Variants in STARD9 observed in about 807,000 individuals in gnomAD.
STARD9 encodes the protein stAR-related lipid transfer protein 9.
STARD9 carries 346 observed loss-of-function variants against 399.8 expected under a neutral mutation model. That is an observed-to-expected ratio of 0.87 (90% CI 0.79 to 0.95). The LOEUF (loss-of-function observed/expected upper bound fraction) is 0.95. STARD9 is among the 40% of genes least tolerant of loss of function. The pLI, the probability that STARD9 is intolerant of heterozygous loss-of-function variation, is 0.00. For missense variants in STARD9, 5,832 were observed against 5,667.5 expected (o/e 1.03, Z -0.93); for synonymous variants, 2,203 against 2,143.5 (o/e 1.03, Z -0.77).
intron 3 of STARD9, among the ~76,000 whole-genome samples, chr15:42,610,595 C>G (rs558053262): frequency 6.6e-6 from 1 of 152,336 alleles, no homozygotes; most frequent in Admixed American, 6.5e-5. Flanking sequence ...GTCGCCCAGG[C>G]TGGAGTGCAG....
chr15:42,688,366 G>T lies in STARD9; in HGVS notation c.6788G>T (p.Ser2263Ile), dbSNP rs200636004. 81 of 1,536,734 alleles carry T rather than the reference G, an allele frequency of 5.3e-5. 2 individuals carry two copies. The highest frequency in any genetic ancestry group is 1.1e-4 in the African/African-American group (8 of 73,054). The change falls in exon 23 of 33, where the codon AGT (serine) becomes ATT (isoleucine). Residue 2263 changes from serine to isoleucine, a missense_variant. Around this residue, in one of 2 missense-constraint regions of STARD9, gnomAD observed 5,828 missense variants for 5,651.1 expected, o/e 1.03. Transcript: ENST00000290607. ...AGCCAAGTAGCTGAACACGTAAGTA[G>T]TTCCAACCAAGAAGAGCCAAAAGCT... ...QESQVAEHVSSSNQEEPKAQG... is the reference protein window; with the variant it reads ...QESQVAEHVSISNQEEPKAQG...
chr15:42,663,510 T>G lies in STARD9; in HGVS notation c.1078+20T>G. 1 of 1,536,432 alleles carries G rather than the reference T, an allele frequency of 6.5e-7. No individual in the cohort carries two copies. The highest frequency in any genetic ancestry group is 1.2e-5 in the South Asian group (1 of 83,986). ...TTGCCAGTGAGTGGGATGCCAGAGC[T>G]GGACCTGTGTTGGGACTGGTACTCT... is the stretch of plus-strand genomic sequence containing the variant. On this transcript the variant is annotated intron_variant, in intron 12 of 32. Transcript: ENST00000290607.
In STARD9 at chr15:42,692,270, T is replaced by A; in HGVS notation, c.10692T>A (p.Ile3564=). Residue 3564 remains isoleucine (I), a synonymous_variant, in exon 23 of 33, where the codon ATT becomes ATA. Coordinates refer to ENST00000290607, the MANE Select transcript of STARD9 (RefSeq NM_020759.3). ...AAGTATTCCGAGGGAGTTCTTCAAT[T>A]GCCTTAGGAGACCCCCACATCCCGA... ...AWEVFRGSSS[I]ALGDPHIPTS... 6.5e-7 allele frequency: 1 copy of A among 1,537,006 alleles called. No individual in the cohort carries two copies. The highest frequency in any genetic ancestry group is 8.7e-7 in the Non-Finnish European group (1 of 1,146,886).
intron 3 of STARD9, among the ~76,000 whole-genome samples, chr15:42,593,588 G>A (rs2058442349): frequency 6.9e-6 from 1 of 145,878 alleles, no homozygotes; most frequent in Non-Finnish European, 1.5e-5. Context: ...GGAGATTTTT[G>A]TCTGAATTCA....
At chr15:42,658,862 C>T (rs540351475) in intron 9 of STARD9, among the ~76,000 whole-genome samples, 3 of 152,184 alleles carry the variant, frequency 2.0e-5, no homozygotes, top group African/African-American at 7.2e-5. Flanking sequence ...CCTGTAATCC[C>T]ACCACTTTGG....
chr15:42,635,977 C>T (rs575460902), intron 4 of STARD9, among the ~76,000 whole-genome samples: 1 of 152,250 alleles, frequency 6.6e-6, no homozygotes, highest in East Asian at 1.9e-4. Flanking sequence ...CTTAAGAATA[C>T]CTTTTTGTTT....
chr15:42,641,093 G>A (rs946104920), intron 7 of STARD9, among the ~76,000 whole-genome samples: 6 of 152,098 alleles, frequency 3.9e-5, no homozygotes, highest in African/African-American at 1.4e-4. Flanking sequence ...TATAGTACCT[G>A]CAACTCAGAA....
At chr15:42,700,694 G>A (rs1192775164) in intron 26 of STARD9, among the ~76,000 whole-genome samples, 1 of 152,090 alleles carries the variant, frequency 6.6e-6, no homozygotes, top group East Asian at 1.9e-4. Context: ...CATATGCATA[G>A]TTTGCAAATC....
chr15:42,709,222 G>A (rs1243559637), intron 26 of STARD9, among the ~76,000 whole-genome samples: 1 of 151,996 alleles, frequency 6.6e-6, no homozygotes, highest in Non-Finnish European at 1.5e-5. Flanking sequence ...ATAGTGATAC[G>A]CCATCTCTAC....
In STARD9 at chr15:42,695,596, G is replaced by T. The variant is rs373913283; in HGVS notation, c.13147-147G>T. ...GGTGGCTTTAAGGAAGCCAGGGCAT[G>T]TGAGGCTAAGTCAGGGAGGCCCTGG... is the stretch of plus-strand genomic sequence containing the variant. On this transcript the variant is annotated intron_variant, in intron 25 of 32. Coordinates refer to ENST00000290607, the MANE Select transcript of STARD9 (RefSeq NM_020759.3). 1.3e-4 allele frequency: 125 copies of T among 926,882 alleles called. 2 individuals carry two copies. The highest frequency in any genetic ancestry group is 6.8e-4 in the Admixed American group (24 of 35,526). The allele number at this position is 926,882 out of a possible 1,614,324, so 57.4% of individuals were successfully genotyped here.
intron 26 of STARD9, among the ~76,000 whole-genome samples, chr15:42,696,151 A>T (rs2060842847): frequency 6.6e-6 from 1 of 152,234 alleles, no homozygotes; most frequent in Admixed American, 6.5e-5. Flanking sequence ...AGACTGTTTG[A>T]GGGATAAATA....
intron 10 of STARD9, 87 bp downstream of exon 10, chr15:42,661,312 C>A: frequency 1.1e-6 from 1 of 939,392 alleles, no homozygotes; most frequent in Non-Finnish European, 1.6e-6. Flanking sequence ...TTTCACATTT[C>A]AGTCATCCTG....
chr15:42,678,555 G>C (rs1327847988), intron 20 of STARD9, among the ~76,000 whole-genome samples: 1 of 152,236 alleles, frequency 6.6e-6, no homozygotes, highest in Non-Finnish European at 1.5e-5. Flanking sequence ...GGGAGACACT[G>C]TTGCTGCTTC....
intron 26 of STARD9, among the ~76,000 whole-genome samples, chr15:42,702,215 GT>G (rs1238778601): frequency 2.6e-5 from 4 of 151,938 alleles, no homozygotes; most frequent in Admixed American, 2.0e-4. Flanking sequence ...TTGTTTGTTT[GT>G]TTTTTTAGTC....
rs2059420466 is a variant in STARD9 at position 42,636,532 on chromosome 15, G to T, written c.352-1375G>T. 1.3e-5 allele frequency among the ~76,000 whole-genome samples: 2 copies of T among 152,164 alleles called. 1 individual carries two copies. Among genetic ancestry groups the T allele is most frequent in the Admixed American group, 1.3e-4 (2 of 15,280 alleles). ...GGAGGGAGAGGTTGCGGTGAGCTGA[G>T]ATTGTGCCATTGCACTCCAGCCTGG... is the stretch of plus-strand genomic sequence containing the variant. On this transcript the variant is annotated intron_variant, in intron 4 of 32. Transcript: ENST00000290607.
At position 42,684,929 on chromosome 15, in the gene STARD9, C is replaced by G. The variant is rs752966518; in HGVS notation, c.3351C>G (p.Ala1117=). 2.5e-5 allele frequency: 38 copies of G among 1,536,906 alleles called. No homozygotes were observed. Among genetic ancestry groups the G allele is most frequent in the Admixed American group, 3.9e-5 (2 of 50,976 alleles). The change falls in exon 23 of 33, where the codon GCC becomes GCG. Residue 1117 remains alanine, a synonymous_variant. Transcript: ENST00000290607. ...YSLDSLSCVY[A]KALIEPLKPE... ...TGGATTCTCTCTCATGTGTCTATGC[C>G]AAAGCCCTGATAGAGCCACTGAAGC...
At chr15:42,665,191 G>A in intron 13 of STARD9, 62 bp from the exon 14 acceptor site, 2 of 1,327,240 alleles carry the variant, frequency 1.5e-6, no homozygotes, top group Non-Finnish European at 2.1e-6. Context: ...ATTGCAACTA[G>A]CATTTCACAG....
chr15:42,590,763 A>G (rs1481211131), intron 3 of STARD9, among the ~76,000 whole-genome samples: 4 of 152,258 alleles, frequency 2.6e-5, no homozygotes, highest in Non-Finnish European at 4.4e-5. Flanking sequence ...ACAGCGAGAG[A>G]GAGAGAGCGA....
In STARD9 at chr15:42,685,132, G is replaced by C. The variant is rs952800800; in HGVS notation, c.3554G>C (p.Gly1185Ala). 1 of 1,537,222 alleles carries C rather than the reference G, an allele frequency of 6.5e-7. No homozygotes were observed. Among genetic ancestry groups the C allele is most frequent in the Non-Finnish European group, 8.7e-7 (1 of 1,146,930 alleles). The change falls in exon 23 of 33, where the codon GGC (glycine) becomes GCC (alanine). Residue 1185 changes from glycine (G) to alanine (A), a missense_variant. Physicochemically the swap from Gly to Ala is moderately conservative, Grantham distance 60. Coordinates refer to ENST00000290607, the MANE Select transcript of STARD9 (RefSeq NM_020759.3). ...PRTRTRASVR[G>A]FTAASDSDLL... ...ACCAGAACTAGAGCTTCTGTGAGGG[G>C]CTTCACTGCAGCCTCAGACAGTGAC... is the stretch of plus-strand genomic sequence containing the variant.
Sources: gnomAD v4.1 joint callset for allele counts (sites outside exome capture counted in the v4.1 genomes callset) on GRCh38, gnomAD v4.1.1 for gene constraint, gnomAD v4.1.1 regional missense constraint, MANE v1.5 for transcripts, NCBI Gene and HGNC (gene_info 2026-07-23, HGNC 2026-07-21) for gene names.